DOCK2: variants seen among roughly 807,000 people sequenced by gnomAD.
DOCK2 encodes the protein dedicator of cytokinesis 2.
A neutral mutation model predicts 248.9 loss-of-function variants in DOCK2; 87 were observed. The ratio of observed to expected loss-of-function variants is 0.35; its 90% confidence interval spans 0.29 to 0.42. The LOEUF (loss-of-function observed/expected upper bound fraction) is 0.42. Ranked by LOEUF, DOCK2 falls within the 10% of genes least tolerant of loss-of-function variation. The probability of loss-of-function intolerance (pLI) is 1.00; values close to 1 mark genes in which losing one functional copy is unlikely to be tolerated. For synonymous variants in DOCK2, 805 were observed against 821.6 expected (o/e 0.98, Z 0.35); for missense variants, 1,747 against 2,300.2 (o/e 0.76, Z 4.92).
chr5:169,774,043 C>T (rs1461439343), intron 25 of DOCK2, among the ~76,000 whole-genome samples: 1 of 152,108 alleles, frequency 6.6e-6, no homozygotes, highest in East Asian at 1.9e-4. Flanking sequence ...ATGTCTTTAT[C>T]AGCAGCGTGA....
At chr5:169,979,147 C>G (rs776818108) in intron 27 of DOCK2, among the ~76,000 whole-genome samples, 1 of 152,120 alleles carries the variant, frequency 6.6e-6, no homozygotes, top group Non-Finnish European at 1.5e-5. Flanking sequence ...TGCAAGGGGT[C>G]CCTCCACCCC....
intron 22 of DOCK2, among the ~76,000 whole-genome samples, chr5:169,726,388 T>C (rs1257883097): frequency 6.6e-6 from 1 of 152,238 alleles, no homozygotes; most frequent in African/African-American, 2.4e-5. Flanking sequence ...TTAAGTTCTT[T>C]GTAGATTCTG....
chr5:170,039,681 A>G (rs1756448691), intron 36 of DOCK2, among the ~76,000 whole-genome samples: 1 of 152,192 alleles, frequency 6.6e-6, no homozygotes, highest in Admixed American at 6.5e-5. Flanking sequence ...AACACTGAAC[A>G]TTCACTTCTC....
At chr5:169,656,709 A>G (rs1196498473) in intron 2 of DOCK2, among the ~76,000 whole-genome samples, 1 of 152,134 alleles carries the variant, frequency 6.6e-6, no homozygotes, top group African/African-American at 2.4e-5. Flanking sequence ...TCTGTGTCCT[A>G]CATTGTGAAA....
chr5:169,933,562 G>A (rs1775856304), intron 27 of DOCK2, among the ~76,000 whole-genome samples: 1 of 152,140 alleles, frequency 6.6e-6, no homozygotes, highest in Non-Finnish European at 1.5e-5. Context: ...CTGCTTATTT[G>A]CCCACTTTTC....
chr5:169,771,646 T>A (rs116279161), intron 25 of DOCK2, among the ~76,000 whole-genome samples: 2,964 of 152,298 alleles, frequency 0.019, 42 homozygotes, highest in Middle Eastern at 0.048. Context: ...ATATATTCTT[T>A]CTACTTATCT....
At chr5:169,683,883 C>A (rs936324607) in intron 7 of DOCK2, among the ~76,000 whole-genome samples, 3 of 152,176 alleles carry the variant, frequency 2.0e-5, no homozygotes, top group Non-Finnish European at 4.4e-5. Context: ...GCTGTTGCAT[C>A]TTTCAAAGAG....
At chr5:169,883,082 C>T (rs1772757219) in intron 27 of DOCK2, 3 of 1,551,552 alleles carry the variant, frequency 1.9e-6, no homozygotes, top group Non-Finnish European at 2.6e-6. Flanking sequence ...GGTTTAAGTT[C>T]CTCTGTGCCT....
intron 22 of DOCK2, among the ~76,000 whole-genome samples, chr5:169,745,398 T>A (rs1158249502): frequency 6.6e-6 from 1 of 152,204 alleles, no homozygotes; most frequent in Non-Finnish European, 1.5e-5. Flanking sequence ...GGCGCTAACA[T>A]CTGCTGGGGC....
At chr5:169,869,031 G>A (rs896911031) in intron 27 of DOCK2, among the ~76,000 whole-genome samples, 2 of 152,058 alleles carry the variant, frequency 1.3e-5, no homozygotes, top group Non-Finnish European at 2.9e-5. Flanking sequence ...TAGCTTCCTC[G>A]CTGGGTGGCT....
At chr5:169,670,747 C>T in intron 4 of DOCK2, 150 bp downstream of exon 4, 1 of 917,716 alleles carries the variant, frequency 1.1e-6, no homozygotes, top group Non-Finnish European at 1.7e-6. Context: ...CTTTCCGTTA[C>T]TCAATGGGAG....
At chr5:169,945,417 G>GAAT (rs1455726645) in intron 27 of DOCK2, among the ~76,000 whole-genome samples, 1 of 152,256 alleles carries the variant, frequency 6.6e-6, no homozygotes, top group Non-Finnish European at 1.5e-5. Flanking sequence ...AAATCAGTGA[G>GAAT]AATAAACTCA....
intron 28 of DOCK2, among the ~76,000 whole-genome samples, chr5:169,984,663 A>G (rs1032754440): frequency 6.6e-6 from 1 of 152,194 alleles, no homozygotes; most frequent in South Asian, 2.1e-4. Flanking sequence ...ACACGTGCGC[A>G]CACACACACA....
At chr5:169,896,680 G>C (rs1020920183) in intron 27 of DOCK2, among the ~76,000 whole-genome samples, 15 of 152,148 alleles carry the variant, frequency 9.9e-5, no homozygotes, top group Non-Finnish European at 2.2e-4. Flanking sequence ...TTATCAAAGT[G>C]TGAGAACCAG....
At chr5:169,823,801 T>C (rs1174378816) in intron 26 of DOCK2, among the ~76,000 whole-genome samples, 3 of 152,146 alleles carry the variant, frequency 2.0e-5, no homozygotes, top group African/African-American at 7.2e-5. Flanking sequence ...AAATAAAGGG[T>C]ATTCAATTAG....
intron 27 of DOCK2, among the ~76,000 whole-genome samples, chr5:169,893,624 G>C (rs1773422967): frequency 6.6e-6 from 1 of 152,068 alleles, no homozygotes; most frequent in South Asian, 2.1e-4. Flanking sequence ...GAATAGCTCT[G>C]TGTGTCAGAT....
intron 19 of DOCK2, among the ~76,000 whole-genome samples, chr5:169,715,441 C>T (rs985901682): frequency 2.6e-5 from 4 of 152,070 alleles, no homozygotes; most frequent in African/African-American, 7.2e-5. Flanking sequence ...TTTCCAGATG[C>T]CGTAAATGTA....
intron 27 of DOCK2, chr5:169,934,571 A>G (rs1561836002): frequency 4.4e-6 from 2 of 452,012 alleles, no homozygotes; most frequent in Non-Finnish European, 8.9e-6. Flanking sequence ...ACCTGGATCT[A>G]AATCCTGCTC....
chr5:169,932,859 G>A (rs1366404654), intron 27 of DOCK2, among the ~76,000 whole-genome samples: 5 of 149,724 alleles, frequency 3.3e-5, no homozygotes, highest in African/African-American at 1.2e-4. Context: ...ATTTCCCAGG[G>A]CCAAATAAAA....
Sources: gnomAD v4.1 joint callset for allele counts (sites outside exome capture counted in the v4.1 genomes callset) on GRCh38, gnomAD v4.1.1 for gene constraint, MANE v1.5 for transcripts, NCBI Gene and HGNC (gene_info 2026-07-23, HGNC 2026-07-21) for gene names.